The following PTPRS variants were observed in gnomAD, a reference collection of about 807,000 sequenced individuals.
The protein encoded by PTPRS is protein tyrosine phosphatase receptor type S.
A neutral mutation model predicts 215.3 loss-of-function variants in PTPRS; 63 were observed. The ratio of observed to expected loss-of-function variants is 0.29; its 90% CI spans 0.24 to 0.36. The LOEUF (loss-of-function observed/expected upper bound fraction) is 0.36, where lower values mean the gene tolerates loss of function less well. Among genes scored for constraint, PTPRS ranks in the 10% least tolerant of loss-of-function variants. The probability of loss-of-function intolerance (pLI) is 1.00; values close to 1 mark genes in which losing one functional copy is unlikely to be tolerated. For synonymous variants in PTPRS, 1,404 were observed against 1,191.4 expected (o/e 1.18, Z -3.68); for missense variants, 2,258 against 2,825.8 (o/e 0.80, Z 4.56).
chr19:5,335,678 A>T (rs2050472813), intron 1 of PTPRS, among the ~76,000 whole-genome samples: 1 of 152,180 alleles, frequency 6.6e-6, no homozygotes, highest in African/African-American at 2.4e-5. Flanking sequence ...TACGAGATGA[A>T]ATCTGTCCCC....
At chr19:5,229,236 A>C (rs2042789120) in intron 16 of PTPRS, 80 bp downstream of exon 16, 6 of 1,297,766 alleles carry the variant, frequency 4.6e-6, no homozygotes, top group Non-Finnish European at 5.9e-6. Flanking sequence ...ACTGATGATA[A>C]GGGGCGTGCA....
intron 1 of PTPRS, among the ~76,000 whole-genome samples, chr19:5,322,237 T>G (rs2050042958): frequency 6.6e-6 from 1 of 152,206 alleles, no homozygotes; most frequent in Non-Finnish European, 1.5e-5. Context: ...TGCTGGAGTA[T>G]CCACAGTGAC....
chr19:5,271,285 G>A (rs2046884710), intron 4 of PTPRS, among the ~76,000 whole-genome samples: 1 of 152,192 alleles, frequency 6.6e-6, no homozygotes, highest in South Asian at 2.1e-4. Flanking sequence ...CACAGTAACG[G>A]GGAAGTAGAA....
At chr19:5,305,935 G>A (rs1464252257) in intron 1 of PTPRS, among the ~76,000 whole-genome samples, 5 of 14,926 alleles carry the variant, frequency 3.3e-4, no homozygotes, top group African/African-American at 2.7e-3. Flanking sequence ...GCAAGACTCC[G>A]TCTCAAAAAA....
intron 10 of PTPRS, among the ~76,000 whole-genome samples, chr19:5,245,420 C>G (rs2044399295): frequency 6.6e-6 from 1 of 152,150 alleles, no homozygotes; most frequent in Non-Finnish European, 1.5e-5. Flanking sequence ...TCCTGAGTAG[C>G]TGGGACTAAA....
chr19:5,266,565 C>T (rs921486455), intron 4 of PTPRS, among the ~76,000 whole-genome samples: 4 of 152,066 alleles, frequency 2.6e-5, no homozygotes, highest in Non-Finnish European at 5.9e-5. Flanking sequence ...AGGGGTTTTG[C>T]CATGTTGGCC....
chr19:5,246,531 C>T (rs8105652), intron 9 of PTPRS, among the ~76,000 whole-genome samples: 5 of 152,188 alleles, frequency 3.3e-5, no homozygotes, highest in Non-Finnish European at 7.3e-5. Flanking sequence ...TGGGGGCATC[C>T]CCTTCGGGGA....
At chr19:5,211,568 G>T (rs751933863) in intron 33 of PTPRS, 22 bp downstream of exon 33, 1 of 1,594,712 alleles carries the variant, frequency 6.3e-7, no homozygotes, top group South Asian at 1.1e-5. Flanking sequence ...GGGCCCTGAG[G>T]TGGGAAAGGC....
intron 30 of PTPRS, among the ~76,000 whole-genome samples, chr19:5,213,633 ATATAACATATGCTTAATG>A (rs72438625): frequency 0.41 from 61,985 of 151,728 alleles, 13,169 homozygotes; most frequent in East Asian, 0.59. Context: ...AGGGAGTGAG[ATATAACATATGCTTAATG>A]TATAACATAT....
chr19:5,231,316 C>T lies in PTPRS; in HGVS notation c.2149G>A (p.Glu717Lys), dbSNP rs1447785084. ...ESSPVVVRTDEDVPSAPPRKV... is the reference protein window; with the variant it reads ...ESSPVVVRTDKDVPSAPPRKV... ...GCCTGGGGCAGGTACTTACCATCCT[C>T]GTCGGTGCGGACGACCACGGGCGAG... Residue 717 changes from glutamate (E) to lysine (K), a missense_variant, in exon 14 of 38, where the codon GAG (glutamate) becomes AAG (lysine). This residue lies in a region of PTPRS where 371 missense variants were observed against 446.7 expected (regional missense o/e 0.83). Transcript: ENST00000262963. 1 of 1,605,972 alleles carries T rather than the reference C, an allele frequency of 6.2e-7. No homozygotes were observed. Among genetic ancestry groups the T allele is most frequent in the Non-Finnish European group, 8.5e-7 (1 of 1,178,902 alleles).
chr19:5,220,365 T>C lies in PTPRS; in HGVS notation c.3456-12A>G. 2 of 1,608,064 alleles carry C rather than the reference T, an allele frequency of 1.2e-6. No homozygotes were observed. Among genetic ancestry groups the C allele is most frequent in the Non-Finnish European group, 8.5e-7 (1 of 1,175,578 alleles). ...CAATGAAATAGCTCCTGTAGGGAGA[T>C]GGGAAAGAGTCAGAGGGGCTGTCGA... is the stretch of plus-strand genomic sequence containing the variant. On this transcript the variant is annotated splice_polypyrimidine_tract_variant and intron_variant, in intron 20 of 37. Coordinates refer to ENST00000262963, the MANE Select transcript of PTPRS (RefSeq NM_002850.4).
intron 1 of PTPRS, among the ~76,000 whole-genome samples, chr19:5,315,490 A>G (rs924931094): frequency 2.0e-5 from 3 of 149,434 alleles, no homozygotes; most frequent in Non-Finnish European, 4.4e-5. Context: ...CAGCCTCCCG[A>G]GTAGCTGTGG....
At chr19:5,225,172 A>T (rs762059404) in intron 17 of PTPRS, among the ~76,000 whole-genome samples, 70 of 152,246 alleles carry the variant, frequency 4.6e-4, no homozygotes, top group Admixed American at 2.0e-4. Flanking sequence ...CTAGAAGGGG[A>T]AACTGAGGCA....
intron 2 of PTPRS, among the ~76,000 whole-genome samples, chr19:5,281,406 A>C (rs1292260664): frequency 1.3e-5 from 2 of 152,138 alleles, no homozygotes; most frequent in Admixed American, 1.3e-4. Flanking sequence ...GGTTGCAGTG[A>C]GCTGAGATCA....
intron 2 of PTPRS, among the ~76,000 whole-genome samples, chr19:5,283,374 C>G (rs562410423): frequency 1.8e-4 from 28 of 152,212 alleles, no homozygotes; most frequent in African/African-American, 6.0e-4. Context: ...GTCAGGAGTT[C>G]GAGACCAGCC....
At chr19:5,276,386 C>T (rs1409880429) in intron 2 of PTPRS, among the ~76,000 whole-genome samples, 2 of 151,878 alleles carry the variant, frequency 1.3e-5, no homozygotes, top group African/African-American at 4.8e-5. Context: ...CCACGCCTGG[C>T]TAATTTTTGT....
At chr19:5,330,181 GCCC>G (rs2147272519) in intron 1 of PTPRS, among the ~76,000 whole-genome samples, 1 of 152,244 alleles carries the variant, frequency 6.6e-6, no homozygotes, top group African/African-American at 2.4e-5. Flanking sequence ...TGACTGCAGG[GCCC>G]CCGTGAAGCT....
chr19:5,255,801 C>A (rs1301851596), intron 9 of PTPRS, among the ~76,000 whole-genome samples: 1 of 152,168 alleles, frequency 6.6e-6, no homozygotes, highest in Admixed American at 6.5e-5. Context: ...ACATTACCAA[C>A]GGATGCAGAG....
chr19:5,258,581 G>A lies in PTPRS; in HGVS notation c.596-454C>T, dbSNP rs1157978579. On this transcript the variant is annotated intron_variant, in intron 7 of 37. Transcript: ENST00000262963. Reference sequence around the variant, plus strand: ...CATGTGAAAATTCAGGGAGCTGGTGGTTGCTTTGTTTCATTAGGTGCCCGT... The same window carrying A: ...CATGTGAAAATTCAGGGAGCTGGTGATTGCTTTGTTTCATTAGGTGCCCGT... 2.0e-5 allele frequency among the ~76,000 whole-genome samples: 3 copies of A among 152,232 alleles called. No homozygotes were observed. The East Asian group carries it at 5.8e-4, about 29-fold the overall frequency.
Sources: allele counts gnomAD v4.1 joint callset (sites outside exome capture counted in the v4.1 genomes callset), GRCh38; gene constraint gnomAD v4.1.1; regional missense constraint gnomAD v4.1.1; transcripts MANE v1.5; gene names NCBI Gene and HGNC (gene_info 2026-07-23, HGNC 2026-07-21).